Variants in ACTN4 observed in about 807,000 individuals in gnomAD.
ACTN4 encodes alpha-actinin-4.
In ACTN4, 18 loss-of-function variants were observed where a neutral mutation model predicts 114.2. That is an observed-to-expected ratio of 0.16 (90% CI 0.11 to 0.23). The LOEUF is 0.23. Among genes scored for constraint, ACTN4 ranks in the 10% least tolerant of loss-of-function variants. ACTN4 has a pLI of 1.00. For missense variants in ACTN4, 722 were observed against 1,262.9 expected (o/e 0.57, Z 6.49); for synonymous variants, 515 against 506.3 (o/e 1.02, Z -0.23).
chr19:38,673,684 ATATATAT>A (rs1967265156), intron 1 of ACTN4, among the ~76,000 whole-genome samples: 1 of 91,328 alleles, frequency 1.1e-5, no homozygotes, highest in African/African-American at 5.0e-5. Context: ...TTATATATTT[ATATATAT>A]TATATATATT....
At chr19:38,675,969 C>G (rs867369849) in intron 1 of ACTN4, among the ~76,000 whole-genome samples, 1 of 152,072 alleles carries the variant, frequency 6.6e-6, no homozygotes, top group Admixed American at 6.6e-5. Context: ...TCAGCCTGGC[C>G]CTGCTACTTA....
At chr19:38,702,495 C>T (rs1204032528) in intron 3 of ACTN4, among the ~76,000 whole-genome samples, 1 of 152,228 alleles carries the variant, frequency 6.6e-6, no homozygotes, top group Non-Finnish European at 1.5e-5. Context: ...CGCCATCCTC[C>T]TCTCCTCACC....
At chr19:38,692,998 G>C (rs1967979257) in intron 1 of ACTN4, among the ~76,000 whole-genome samples, 1 of 152,204 alleles carries the variant, frequency 6.6e-6, no homozygotes, top group Non-Finnish European at 1.5e-5. Context: ...CGGGTACCTG[G>C]GGTTGGGGCT....
chr19:38,661,095 T>G (rs1454449541), intron 1 of ACTN4, among the ~76,000 whole-genome samples: 1 of 152,060 alleles, frequency 6.6e-6, no homozygotes, highest in East Asian at 1.9e-4. Context: ...GTGGAAGAGA[T>G]GGGCACAGCC....
At chr19:38,667,131 G>T (rs1266381798) in intron 1 of ACTN4, among the ~76,000 whole-genome samples, 1 of 152,158 alleles carries the variant, frequency 6.6e-6, no homozygotes, top group Non-Finnish European at 1.5e-5. Context: ...TCTTTGTTTT[G>T]ACCTGACACG....
intron 1 of ACTN4, among the ~76,000 whole-genome samples, chr19:38,685,421 G>T (rs1360021211): frequency 6.6e-6 from 1 of 152,184 alleles, no homozygotes; most frequent in Non-Finnish European, 1.5e-5. Flanking sequence ...TGGACTCAGG[G>T]ATTCATTCAC....
In ACTN4 at chr19:38,717,316, G is replaced by A. The variant is rs149121081; in HGVS notation, c.1143G>A (p.Ser381=). ...AFMPSEGKMV[S]DINNGWQHLE... ...TGCCCTCCGAGGGCAAGATGGTCTC[G>A]GTGAGCACCAGGATTCACATGGGAG... The change falls in exon 10 of 21, where the codon TCG becomes TCA. Residue 381 remains serine (S), a splice_region_variant and synonymous_variant. Transcript: ENST00000252699. This position sits in a 1 kb window ranked among gnomAD's most constrained non-coding sequence, Gnocchi z 4.0. The A allele has an allele frequency of 1.4e-5, 23 of 1,613,308 alleles. 1 individual carries two copies. The highest frequency in any genetic ancestry group is 1.8e-5 in the Non-Finnish European group (21 of 1,179,802).
intron 1 of ACTN4, among the ~76,000 whole-genome samples, chr19:38,671,516 G>C (rs1967127798): frequency 6.6e-6 from 1 of 152,224 alleles, no homozygotes; most frequent in Admixed American, 6.5e-5. Context: ...GATACTGGCA[G>C]TCCAGGTTTT....
intron 1 of ACTN4, among the ~76,000 whole-genome samples, chr19:38,672,111 G>T (rs945101304): frequency 2.0e-5 from 3 of 152,102 alleles, no homozygotes; most frequent in Non-Finnish European, 4.4e-5. Context: ...GGATGAGAGA[G>T]TTTCTCGCTC....
chr19:38,673,546 TTTATATATAC>T (rs1967227453), intron 1 of ACTN4, among the ~76,000 whole-genome samples: 1 of 113,492 alleles, frequency 8.8e-6, no homozygotes, highest in Non-Finnish European at 1.8e-5. Flanking sequence ...CTTATATATA[TTTATATATAC>T]TTATATATAT....
intron 1 of ACTN4, among the ~76,000 whole-genome samples, chr19:38,698,235 C>G (rs557638655): frequency 1.3e-5 from 2 of 152,242 alleles, no homozygotes; most frequent in South Asian, 4.1e-4. Context: ...GCATGGCCAT[C>G]TTGAGTCCTC....
intron 1 of ACTN4, among the ~76,000 whole-genome samples, chr19:38,680,735 T>C (rs1967539573): frequency 6.6e-6 from 1 of 152,178 alleles, no homozygotes. Flanking sequence ...CCAAGTTTGA[T>C]TTCTTTCCCT....
intron 3 of ACTN4, among the ~76,000 whole-genome samples, chr19:38,702,158 T>C (rs918342594): frequency 6.6e-6 from 1 of 152,264 alleles, no homozygotes; most frequent in Non-Finnish European, 1.5e-5. Context: ...TTTGCTCAAA[T>C]GCTAGTCTGT....
At chr19:38,649,070 G>C (rs941613824) in intron 1 of ACTN4, among the ~76,000 whole-genome samples, 1 of 151,200 alleles carries the variant, frequency 6.6e-6, no homozygotes, top group African/African-American at 2.4e-5. Flanking sequence ...AATGAGTTTG[G>C]GGAGGAAGCG....
In ACTN4 at chr19:38,730,941, C is replaced by CCCTGTCCCT; in HGVS notation, c.*1512_*1520dup. ...AGCTCGCAGGACAGAGCCTGAGCCA[C>CCCTGTCCCT]CCTGTCCCTCCCACCTGGCTCACCT... On this transcript the variant is annotated 3_prime_UTR_variant, in exon 21 of 21. Coordinates refer to ENST00000252699, the MANE Select transcript of ACTN4 (RefSeq NM_004924.6). 6.4e-7 allele frequency: 1 copy of CCCTGTCCCT among 1,550,538 alleles called. No homozygotes were observed. Among genetic ancestry groups the CCCTGTCCCT allele is most frequent in the South Asian group, 1.2e-5 (1 of 84,072 alleles).
chr19:38,728,442 T>TCCCCCCCC, intron 19 of ACTN4: 1 of 874,712 alleles, frequency 1.1e-6, no homozygotes, highest in Non-Finnish European at 1.5e-6. Context: ...CTCCTCCTCC[T>TCCCCCCCC]CCTCCTCCCC....
intron 11 of ACTN4, among the ~76,000 whole-genome samples, 183 bp from the exon 12 acceptor site, chr19:38,721,355 T>G (rs1227836263): frequency 1.3e-5 from 2 of 152,230 alleles, no homozygotes; most frequent in Non-Finnish European, 2.9e-5. Context: ...CAGGTTACAG[T>G]TGGGCTTAGA....
intron 1 of ACTN4, among the ~76,000 whole-genome samples, chr19:38,677,773 G>A (rs917683630): frequency 6.6e-6 from 1 of 152,036 alleles, no homozygotes; most frequent in Non-Finnish European, 1.5e-5. Flanking sequence ...ACGGAGTCTC[G>A]CTGTGTTGCC....
Position 38,700,717 on chromosome 19 carries a change from G to A in ACTN4, c.277+3G>A. On this transcript the variant is annotated splice_donor_region_variant and intron_variant, in intron 2 of 20. Coordinates refer to ENST00000252699, the MANE Select transcript of ACTN4 (RefSeq NM_004924.6). ...GCTGCTCCTGGAGGTCATATCAGGT[G>A]AGACTCCCAGCCACGCAGTGCGGCC... The A allele has an allele frequency of 6.2e-7, 1 of 1,611,666 alleles. No homozygotes were observed. Among genetic ancestry groups the A allele is most frequent in the Middle Eastern group, 1.7e-4 (1 of 6,056 alleles).
Sources: gnomAD v4.1 joint callset for allele counts (sites outside exome capture counted in the v4.1 genomes callset) on GRCh38, gnomAD v4.1.1 for gene constraint, Gnocchi (gnomAD v3.1) non-coding constraint, MANE v1.5 for transcripts, NCBI Gene and HGNC (gene_info 2026-07-23, HGNC 2026-07-21) for gene names.